Variants in ASNS observed in about 807,000 individuals in gnomAD.
ASNS encodes asparagine synthetase (glutamine-hydrolyzing), also known as asparagine synthetase [glutamine-hydrolyzing].
In ASNS, 37 loss-of-function variants were observed where a neutral mutation model predicts 62.6. The ratio of observed to expected loss-of-function variants is 0.59; its 90% CI spans 0.45 to 0.78. The LOEUF (loss-of-function observed/expected upper bound fraction) is 0.78. ASNS is among the 30% of genes least tolerant of loss of function. The pLI, the probability that ASNS is intolerant of heterozygous loss-of-function variation, is 0.00. For synonymous variants in ASNS, 207 were observed against 237.9 expected (o/e 0.87, Z 1.19); for missense variants, 520 against 682.4 (o/e 0.76, Z 2.65).
chr7:97,904,264 AC>A, the ASNS span, among the ~76,000 whole-genome samples: 1 of 147,746 alleles, frequency 6.8e-6, no homozygotes, highest in African/African-American at 2.5e-5. Context: ...GTAAGAAGGA[AC>A]TTTTTTAAAC....
chr7:97,871,656 G>A (rs939922205), intron 1 of ASNS: 88 of 152,434 alleles, frequency 5.8e-4, no homozygotes, highest in Non-Finnish European at 2.2e-4. Context: ...GACAGCCATT[G>A]AAAAAGGCAT....
At chr7:97,889,396 A>G in the ASNS span, among the ~76,000 whole-genome samples, 1 of 152,214 alleles carries the variant, frequency 6.6e-6, no homozygotes, top group South Asian at 2.1e-4. Context: ...ACGTGCCTAT[A>G]GTCCCAGCTA....
upstream of ASNS, among the ~76,000 whole-genome samples, chr7:97,874,094 T>C (rs1792385444): frequency 6.6e-6 from 1 of 152,150 alleles, no homozygotes; most frequent in South Asian, 2.1e-4. Context: ...ATTTCACCTC[T>C]GCAGTCTCGA....
chr7:97,928,261 GC>G, the ASNS span: 29 of 1,524,436 alleles, frequency 1.9e-5, no homozygotes, highest in Non-Finnish European at 2.3e-5. Flanking sequence ...CTGCCTCGGG[GC>G]TTGCCAGTGG....
At chr7:97,886,314 A>T in the ASNS span, among the ~76,000 whole-genome samples, 1 of 151,320 alleles carries the variant, frequency 6.6e-6, no homozygotes, top group Admixed American at 6.6e-5. Flanking sequence ...TGCCCGGCTA[A>T]TTTTTTTTTA....
intron 9 of ASNS, chr7:97,855,152 T>C: frequency 2.0e-6 from 1 of 510,350 alleles, no homozygotes; most frequent in Non-Finnish European, 3.5e-6. Context: ...TGTAACTAGT[T>C]TTAAAGAATA....
At chr7:97,909,590 G>A in the ASNS span, among the ~76,000 whole-genome samples, 2 of 152,070 alleles carry the variant, frequency 1.3e-5, no homozygotes, top group Non-Finnish European at 2.9e-5. Flanking sequence ...TTACAGGTGT[G>A]AGCCACCGTG....
the ASNS span, among the ~76,000 whole-genome samples, chr7:97,901,620 A>C: frequency 9.2e-5 from 14 of 152,352 alleles, no homozygotes; most frequent in Non-Finnish European, 1.3e-4. Context: ...GAAATTGTGC[A>C]TATTTCCCAC....
At chr7:97,864,536 G>C (rs1435731481) in intron 3 of ASNS, 40 bp from the exon 4 acceptor site, 2 of 1,357,948 alleles carry the variant, frequency 1.5e-6, no homozygotes, top group Non-Finnish European at 2.1e-6. Flanking sequence ...TAGACTCCTT[G>C]TACATTCACT....
At chr7:97,896,729 C>CATAT in the ASNS span, among the ~76,000 whole-genome samples, 2 of 29,900 alleles carry the variant, frequency 6.7e-5, no homozygotes, top group African/African-American at 9.0e-5. Flanking sequence ...CACACACACA[C>CATAT]ACACACACAC....
the ASNS span, among the ~76,000 whole-genome samples, chr7:97,879,347 G>C: frequency 6.6e-6 from 1 of 152,220 alleles, no homozygotes; most frequent in Non-Finnish European, 1.5e-5. Flanking sequence ...ACTACCATCA[G>C]AGTGAACAGG....
At chr7:97,877,481 A>G (rs956697251), upstream of ASNS, among the ~76,000 whole-genome samples, 1 of 152,182 alleles carries the variant, frequency 6.6e-6, no homozygotes, top group African/African-American at 2.4e-5. Flanking sequence ...ATCTGTTTCC[A>G]TGAGCCAAGG....
chr7:97,857,681 G>T (rs1418710264), intron 7 of ASNS, among the ~76,000 whole-genome samples: 2 of 148,890 alleles, frequency 1.3e-5, no homozygotes, highest in East Asian at 4.0e-4. Context: ...ATGGGGTCTT[G>T]CTACGTTGCC....
chr7:97,912,784 A>G, the ASNS span, among the ~76,000 whole-genome samples: 4 of 150,430 alleles, frequency 2.7e-5, no homozygotes, highest in Admixed American at 1.3e-4. Context: ...GGTTTCACAT[A>G]TTGGCCAGGC....
the ASNS span, among the ~76,000 whole-genome samples, chr7:97,899,533 A>G: frequency 1.3e-5 from 2 of 152,212 alleles, no homozygotes; most frequent in East Asian, 3.9e-4. Context: ...AGATGTACAC[A>G]AACATTACCA....
the ASNS span, among the ~76,000 whole-genome samples, chr7:97,919,962 T>C: frequency 1.3e-5 from 2 of 152,014 alleles, no homozygotes; most frequent in African/African-American, 4.8e-5. Flanking sequence ...TTTAAGGTCC[T>C]GGCTACTGCC....
chr7:97,899,877 T>C, the ASNS span, among the ~76,000 whole-genome samples: 21 of 152,234 alleles, frequency 1.4e-4, no homozygotes, highest in Non-Finnish European at 2.5e-4. Flanking sequence ...TAATTATTCA[T>C]GTACAAAATT....
the ASNS span, among the ~76,000 whole-genome samples, chr7:97,897,922 A>G: frequency 6.6e-6 from 1 of 152,226 alleles, no homozygotes; most frequent in Non-Finnish European, 1.5e-5. Context: ...GTATTCAGCC[A>G]TAAAAAAGAA....
the ASNS span, among the ~76,000 whole-genome samples, chr7:97,916,165 G>T: frequency 6.6e-6 from 1 of 152,110 alleles, no homozygotes; most frequent in East Asian, 1.9e-4. Flanking sequence ...GATCACCTGA[G>T]GTCAGGAGTT....
Sources: gnomAD v4.1 joint callset for allele counts (sites outside exome capture counted in the v4.1 genomes callset) on GRCh38, gnomAD v4.1.1 for gene constraint, MANE v1.5 for transcripts, NCBI Gene and HGNC (gene_info 2026-07-23, HGNC 2026-07-21) for gene names.